Variants in ATP10B observed in about 807,000 individuals in gnomAD.
ATP10B encodes the protein ATPase phospholipid transporting 10B (putative).
Under a neutral mutation model 141.2 loss-of-function variants are expected in ATP10B, and 122 were observed. That is an observed-to-expected ratio of 0.86 (90% confidence interval 0.75 to 1.00). The LOEUF is 1.00. ATP10B is among the 50% of genes least tolerant of loss of function. ATP10B has a pLI of 0.00. For synonymous variants in ATP10B, 685 were observed against 692.0 expected, an observed-to-expected ratio of 0.99 and a Z score of 0.16; for missense variants, 1,876 against 1,825.3, an observed-to-expected ratio of 1.03 and a Z score of -0.51.
intron 6 of ATP10B, among the ~76,000 whole-genome samples, chr5:160,683,338 G>C (rs1763549644): frequency 6.6e-6 from 1 of 152,208 alleles, no homozygotes; most frequent in Non-Finnish European, 1.5e-5. Flanking sequence ...CTCATTTGCT[G>C]CTGAGGGATG....
the ATP10B span, among the ~76,000 whole-genome samples, chr5:160,911,558 G>A: frequency 6.6e-6 from 1 of 152,184 alleles, no homozygotes; most frequent in Non-Finnish European, 1.5e-5. Context: ...TTTTGGTTGG[G>A]GAGAAGAGTG....
At chr5:160,900,908 G>GTGT in the ATP10B span, among the ~76,000 whole-genome samples, 1 of 88,986 alleles carries the variant, frequency 1.1e-5, no homozygotes, top group South Asian at 5.8e-4. Context: ...GGGTAGAGAA[G>GTGT]TTTTTTTTTT....
intron 8 of ATP10B, among the ~76,000 whole-genome samples, chr5:160,646,844 T>A (rs1193104957): frequency 3.3e-5 from 5 of 152,206 alleles, no homozygotes; most frequent in African/African-American, 1.2e-4. Context: ...ACAAGGATGG[T>A]CTATTATACT....
chr5:160,889,566 C>A, the ATP10B span, among the ~76,000 whole-genome samples: 1 of 152,196 alleles, frequency 6.6e-6, no homozygotes, highest in South Asian at 2.1e-4. Context: ...ATTCAACAAG[C>A]CTTTGAGCAC....
At chr5:160,595,272 A>G (rs1220139675) in intron 22 of ATP10B, among the ~76,000 whole-genome samples, 1 of 152,150 alleles carries the variant, frequency 6.6e-6, no homozygotes, top group Non-Finnish European at 1.5e-5. Flanking sequence ...GAAACTGAAC[A>G]ACCTGCTCCT....
At chr5:160,708,108 T>C (rs1003834740) in intron 3 of ATP10B, among the ~76,000 whole-genome samples, 1 of 152,162 alleles carries the variant, frequency 6.6e-6, no homozygotes, top group African/African-American at 2.4e-5. Flanking sequence ...GCCCGTCTGA[T>C]TGAGGCCACT....
chr5:160,860,854 CTG>C, the ATP10B span, among the ~76,000 whole-genome samples: 1 of 151,898 alleles, frequency 6.6e-6, no homozygotes, highest in African/African-American at 2.4e-5. Flanking sequence ...GTCAAAAAAA[CTG>C]TTGATGATGG....
chr5:160,728,020 T>G (rs1766478168), intron 2 of ATP10B, among the ~76,000 whole-genome samples: 1 of 152,218 alleles, frequency 6.6e-6, no homozygotes, highest in African/African-American at 2.4e-5. Flanking sequence ...AAGCTTATCT[T>G]CCCAGGTGTA....
At chr5:160,702,832 A>G (rs1764755306) in intron 3 of ATP10B, among the ~76,000 whole-genome samples, 1 of 152,156 alleles carries the variant, frequency 6.6e-6, no homozygotes, top group Non-Finnish European at 1.5e-5. Flanking sequence ...TCCCAGTAGA[A>G]CCAAGGTACA....
intron 1 of ATP10B, among the ~76,000 whole-genome samples, chr5:160,801,592 C>T (rs1772371207): frequency 6.6e-6 from 1 of 152,190 alleles, no homozygotes; most frequent in South Asian, 2.1e-4. Context: ...CATAGCAGTG[C>T]TTAATAAAAA....
chr5:160,786,101 C>A (rs74751275), intron 1 of ATP10B, among the ~76,000 whole-genome samples: 2,367 of 152,244 alleles, frequency 0.016, 58 homozygotes, highest in African/African-American at 0.054. Flanking sequence ...CCACTCAGTG[C>A]ATTTCATCTT....
At chr5:160,739,649 G>T (rs1022575113) in intron 2 of ATP10B, among the ~76,000 whole-genome samples, 1 of 152,178 alleles carries the variant, frequency 6.6e-6, no homozygotes, top group Non-Finnish European at 1.5e-5. Flanking sequence ...CACTCACAGA[G>T]ACCGTGCCCT....
chr5:160,654,102 A>G (rs1441919606), intron 7 of ATP10B, among the ~76,000 whole-genome samples: 3 of 148,096 alleles, frequency 2.0e-5, no homozygotes, highest in African/African-American at 7.5e-5. Context: ...GTATATACGT[A>G]TATACATATA....
the ATP10B span, among the ~76,000 whole-genome samples, chr5:160,896,338 A>C: frequency 6.6e-6 from 1 of 152,248 alleles, no homozygotes; most frequent in East Asian, 1.9e-4. Flanking sequence ...TCAAATATAC[A>C]CAATAAAAAA....
the ATP10B span, among the ~76,000 whole-genome samples, chr5:160,876,528 CT>C: frequency 6.8e-6 from 1 of 146,822 alleles, no homozygotes; most frequent in Non-Finnish European, 1.5e-5. Flanking sequence ...CAAGAAATAA[CT>C]AAAATCAGAG....
chr5:160,793,648 G>A (rs1399501027), intron 1 of ATP10B, among the ~76,000 whole-genome samples: 1 of 152,158 alleles, frequency 6.6e-6, no homozygotes, highest in Middle Eastern at 3.2e-3. Flanking sequence ...GAAACTTAGT[G>A]TAGCCTAAGT....
chr5:160,704,209 G>C (rs2127763891), intron 3 of ATP10B, among the ~76,000 whole-genome samples: 1 of 151,774 alleles, frequency 6.6e-6, no homozygotes, highest in African/African-American at 2.4e-5. Context: ...GAACTACCAT[G>C]CGTGGCTATT....
Position 160,785,692 on chromosome 5 carries a change from A to G in ATP10B, c.-464T>C. On this transcript the variant is annotated 5_prime_UTR_variant, in exon 2 of 26. An upstream start codon of the reference 5' UTR is lost. Coordinates refer to ENST00000327245, the MANE Select transcript of ATP10B (RefSeq NM_025153.3). The stretch of plus-strand genomic sequence containing the variant: ...TCATCTTGGCAGTGGAGAGGAGTTC[A>G]TTATCTCCACTGAGTGAGATGAATA... 2 of 1,287,848 alleles carry G rather than the reference A, an allele frequency of 1.6e-6. No individual in the cohort carries two copies. Among genetic ancestry groups the G allele is most frequent in the Non-Finnish European group, 2.0e-6 (2 of 988,010 alleles). The allele number at this position is 1,287,848 out of a possible 1,614,324, so 79.8% of individuals were successfully genotyped here.
In ATP10B at chr5:160,563,618, G is replaced by A. The variant is rs1358636499; in HGVS notation, c.*1835C>T. 2.6e-5 allele frequency: 4 copies of A among 152,122 alleles called. No homozygotes were observed. Among genetic ancestry groups the A allele is most frequent in the Non-Finnish European group, 5.9e-5 (4 of 68,016 alleles). The allele number at this position is 152,122 out of a possible 1,614,324, so 9.4% of individuals were successfully genotyped here. On this transcript the variant is annotated 3_prime_UTR_variant, in exon 26 of 26. Coordinates refer to ENST00000327245, the MANE Select transcript of ATP10B (RefSeq NM_025153.3). ...GACTTAATACCTATGTCAAGCCTGG[G>A]AAGAAAGGCAGTTCTAATCAACTTG...
Sources: gnomAD v4.1 joint callset for allele counts (sites outside exome capture counted in the v4.1 genomes callset) on GRCh38, gnomAD v4.1.1 for gene constraint, MANE v1.5 for transcripts, NCBI Gene and HGNC (gene_info 2026-07-23, HGNC 2026-07-21) for gene names.